Variants in VPS26B observed in about 807,000 individuals in gnomAD.
VPS26B encodes the protein VPS26 retromer complex component B, also known as vacuolar protein sorting-associated protein 26B.
In VPS26B, 10 loss-of-function variants were observed where a neutral mutation model predicts 33.3. That is an observed-to-expected ratio of 0.30 (90% CI 0.19 to 0.51). The LOEUF (loss-of-function observed/expected upper bound fraction) is 0.51. Among genes scored for constraint, VPS26B ranks in the 20% least tolerant of loss-of-function variants. The probability of loss-of-function intolerance (pLI) is 0.98; values close to 1 mark genes in which losing one functional copy is unlikely to be tolerated. For missense variants in VPS26B, 317 were observed against 452.7 expected (o/e 0.70, Z 2.72); for synonymous variants, 190 against 176.9 (o/e 1.07, Z -0.59).
At position 134,245,111 on chromosome 11, in the gene VPS26B, C is replaced by A; in HGVS notation, c.864+31C>A. On this transcript the variant is annotated intron_variant, in intron 5 of 5. Coordinates refer to ENST00000281187, the MANE Select transcript of VPS26B (RefSeq NM_052875.5). This position sits in a 1 kb window ranked among gnomAD's most constrained non-coding sequence, Gnocchi z 4.7. ...GGCCAGGCTCCTCCAGGCCCCGATG[C>A]CCTTGGGACAGAACAGGAGGCTCTC... 6.2e-7 allele frequency: 1 copy of A among 1,611,526 alleles called. No individual in the cohort carries two copies. The highest frequency in any genetic ancestry group is 8.5e-7 in the Non-Finnish European group (1 of 1,179,172).
At chr11:134,231,490 G>C (rs1022341274) in intron 1 of VPS26B, among the ~76,000 whole-genome samples, 20 of 152,192 alleles carry the variant, frequency 1.3e-4, no homozygotes, top group African/African-American at 4.6e-4. Flanking sequence ...GTAGGGTGTG[G>C]TAAGCACGAA....
Position 134,224,939 on chromosome 11 carries a change from C to T in VPS26B, c.-184C>T, listed in dbSNP as rs961074009. Reference sequence around the variant, plus strand: ...AGCCGCCAGCCTCCCCCGGCCGTGCCCCTCCCCCGTGGAGCCGGCTGTCCG... The same window carrying T: ...AGCCGCCAGCCTCCCCCGGCCGTGCTCCTCCCCCGTGGAGCCGGCTGTCCG... On this transcript the variant is annotated 5_prime_UTR_variant, in exon 1 of 6. Coordinates refer to ENST00000281187, the MANE Select transcript of VPS26B (RefSeq NM_052875.5). The T allele has an allele frequency of 3.5e-5, 11 of 310,364 alleles. No individual in the cohort carries two copies. The highest frequency in any genetic ancestry group is 2.2e-4 in the African/African-American group (10 of 44,992). The allele number at this position is 310,364 out of a possible 1,614,324, so 19.2% of individuals were successfully genotyped here. A position where few individuals can be genotyped will look rare whatever the true frequency, so the allele number is the denominator to read the frequency against.
At chr11:134,227,380 G>A (rs1418630097) in intron 1 of VPS26B, among the ~76,000 whole-genome samples, 2 of 152,188 alleles carry the variant, frequency 1.3e-5, no homozygotes, top group African/African-American at 4.8e-5. Context: ...TTTAGTCTGT[G>A]TCTATACCAT....
At chr11:134,235,286 A>T (rs1190633054) in intron 2 of VPS26B, 10 of 420,566 alleles carry the variant, frequency 2.4e-5, no homozygotes. Flanking sequence ...GGCCAATTTC[A>T]AGCTACCTAA....
Position 134,244,341 on chromosome 11 carries a change from T to TTTC in VPS26B, c.722-596_722-595insTCT, listed in dbSNP as rs1260473528. On this transcript the variant is annotated intron_variant, in intron 4 of 5. Coordinates refer to ENST00000281187, the MANE Select transcript of VPS26B (RefSeq NM_052875.5). The surrounding 1 kb of genome is among the most constrained non-coding windows in gnomAD (Gnocchi z 4.0). ...CACTGATACTAGAAACGGTCTGATG[T>TTTC]TAGAGCTGGAAGGGATCTGTAGTAT... 3 of 152,196 alleles carry TTTC rather than the reference T, an allele frequency of 2.0e-5. No individual in the cohort carries two copies. Among genetic ancestry groups the TTTC allele is most frequent in the Admixed American group, 2.0e-4 (3 of 15,282 alleles). 9.4% of individuals were successfully genotyped at this position (152,196 alleles called of 1,614,324 possible).
At chr11:134,238,658 T>C (rs184825554) in intron 2 of VPS26B, among the ~76,000 whole-genome samples, 1 of 152,180 alleles carries the variant, frequency 6.6e-6, no homozygotes, top group South Asian at 2.1e-4. Flanking sequence ...TGCAGTGGCT[T>C]GATCTCGGCT....
intron 3 of VPS26B, among the ~76,000 whole-genome samples, chr11:134,242,827 T>C (rs1938753576): frequency 6.6e-6 from 1 of 152,162 alleles, no homozygotes; most frequent in Non-Finnish European, 1.5e-5. Flanking sequence ...ATATAAAAGG[T>C]ACTAAAGCAG....
intron 2 of VPS26B, among the ~76,000 whole-genome samples, chr11:134,236,189 A>G (rs1053725102): frequency 6.6e-6 from 1 of 152,146 alleles, no homozygotes; most frequent in Admixed American, 6.5e-5. Context: ...GAAAAAAAAC[A>G]AATCTTTGCA....
At chr11:134,237,056 T>C (rs1388331802) in intron 2 of VPS26B, among the ~76,000 whole-genome samples, 1 of 152,076 alleles carries the variant, frequency 6.6e-6, no homozygotes, top group Non-Finnish European at 1.5e-5. Flanking sequence ...GAGGTAGAGA[T>C]AGGAAAATTA....
At chr11:134,229,575 T>G (rs1313365946) in intron 1 of VPS26B, among the ~76,000 whole-genome samples, 1 of 152,226 alleles carries the variant, frequency 6.6e-6, no homozygotes, top group East Asian at 1.9e-4. Context: ...CTAGAAGTCA[T>G]TTTGAAGTCT....
At chr11:134,230,022 A>C (rs1170920187) in intron 1 of VPS26B, among the ~76,000 whole-genome samples, 1 of 152,154 alleles carries the variant, frequency 6.6e-6, no homozygotes, top group Non-Finnish European at 1.5e-5. Flanking sequence ...CCTTCCACCC[A>C]AGCTCTTACT....
At chr11:134,239,889 AC>A in intron 2 of VPS26B, 101 bp from the exon 3 acceptor site, 1 of 1,336,158 alleles carries the variant, frequency 7.5e-7, no homozygotes, top group Non-Finnish European at 1.1e-6. Context: ...AGGGTTAAGA[AC>A]CTTTGTACAG....
At chr11:134,241,711 A>G (rs1938727786) in intron 3 of VPS26B, among the ~76,000 whole-genome samples, 2 of 152,242 alleles carry the variant, frequency 1.3e-5, no homozygotes, top group African/African-American at 4.8e-5. Context: ...AAGGTGCTCT[A>G]GAGAGGCAGG....
At chr11:134,238,144 T>C (rs961034147) in intron 2 of VPS26B, among the ~76,000 whole-genome samples, 9 of 152,102 alleles carry the variant, frequency 5.9e-5, no homozygotes, top group Non-Finnish European at 1.3e-4. Context: ...CAATCACATA[T>C]CAGGTGTGCC....
chr11:134,242,504 A>G (rs2136053175), intron 3 of VPS26B, among the ~76,000 whole-genome samples: 1 of 152,350 alleles, frequency 6.6e-6, no homozygotes, highest in South Asian at 2.1e-4. Context: ...GTGCACATGT[A>G]GACTATTGAC....
chr11:134,237,285 T>G (rs545757737), intron 2 of VPS26B, among the ~76,000 whole-genome samples: 2 of 152,270 alleles, frequency 1.3e-5, no homozygotes, highest in South Asian at 4.1e-4. Flanking sequence ...CCGAGTATGA[T>G]TTTGGTGGCT....
chr11:134,245,486 A>G lies in VPS26B; in HGVS notation c.907A>G (p.Met303Val). 6.2e-7 allele frequency: 1 copy of G among 1,613,966 alleles called. No homozygotes were observed. Among genetic ancestry groups the G allele is most frequent in the African/African-American group, 1.3e-5 (1 of 75,042 alleles). ...WRKGDIVRKS[M>V]SHQAAIASQR... is the part of the protein sequence containing the mutation. ...GAAGGGTGACATCGTACGGAAGAGC[A>G]TGTCCCACCAGGCGGCCATCGCCTC... The change falls in exon 6 of 6, where the codon ATG (methionine) becomes GTG (valine). Residue 303 changes from methionine (M) to valine (V), a missense_variant. Physicochemically the swap from Met to Val is conservative, Grantham distance 21 (BLOSUM62 1). Transcript: ENST00000281187. The surrounding 1 kb of genome is among the most constrained non-coding windows in gnomAD (Gnocchi z 4.7).
intron 1 of VPS26B, among the ~76,000 whole-genome samples, chr11:134,232,475 G>A (rs373877765): frequency 1.3e-5 from 2 of 152,240 alleles, no homozygotes; most frequent in African/African-American, 2.4e-5. Context: ...GACATTTGAT[G>A]TCAGAGCTGA....
rs1938695551 is a variant in VPS26B, at chr11:134,240,191, T to C, written c.545+36T>C. Reference sequence around the variant, plus strand: ...CAGTGCCAAGGTTGTGAAATGATTATTTAAGGAGGTTAAGATGGGACTTGA... The same window carrying C: ...CAGTGCCAAGGTTGTGAAATGATTACTTAAGGAGGTTAAGATGGGACTTGA... On this transcript the variant is annotated intron_variant, in intron 3 of 5. Transcript: ENST00000281187. The surrounding 1 kb of genome is among the most constrained non-coding windows in gnomAD (Gnocchi z 4.4). The C allele has an allele frequency of 6.2e-7, 1 of 1,609,820 alleles. No homozygotes were observed. Among genetic ancestry groups the C allele is most frequent in the African/African-American group, 1.3e-5 (1 of 74,850 alleles).
Sources: gnomAD v4.1 joint callset for allele counts (sites outside exome capture counted in the v4.1 genomes callset) on GRCh38, gnomAD v4.1.1 for gene constraint, Gnocchi (gnomAD v3.1) non-coding constraint, MANE v1.5 for transcripts, NCBI Gene and HGNC (gene_info 2026-07-23, HGNC 2026-07-21) for gene names.